The following GPC5 variants were observed in gnomAD, a reference collection of about 807,000 sequenced individuals.
GPC5 encodes glypican-5.
GPC5 carries 47 observed loss-of-function variants against 53.9 expected under a neutral mutation model. The ratio of observed to expected loss-of-function variants is 0.87; its 90% CI spans 0.69 to 1.11. The LOEUF is 1.11. GPC5 is among the 50% of genes most tolerant of loss of function. The pLI, the probability that GPC5 is intolerant of heterozygous loss-of-function variation, is 0.00. For missense variants in GPC5, 748 were observed against 713.1 expected, an observed-to-expected ratio of 1.05 and a Z score of -0.56; for synonymous variants, 286 against 263.3, an observed-to-expected ratio of 1.09 and a Z score of -0.84.
chr13:92,375,138 G>C (rs1327252419), intron 7 of GPC5, among the ~76,000 whole-genome samples: 3 of 152,188 alleles, frequency 2.0e-5, no homozygotes, highest in Non-Finnish European at 4.4e-5. Context: ...TGTTCCCTAG[G>C]GGGTGGATTA....
chr13:92,843,529 CT>C lies in GPC5; in HGVS notation c.1562-22749del, dbSNP rs567880398. On this transcript the variant is annotated intron_variant, in intron 7 of 7. Coordinates refer to ENST00000377067, the MANE Select transcript of GPC5 (RefSeq NM_004466.6). Reference sequence around the variant, plus strand: ...CAAAGGCATCCACCATCCCTCCACTCTTTTGGTATTCTTAGAGAGAATCTTA... The same window carrying C: ...CAAAGGCATCCACCATCCCTCCACTCTTTGGTATTCTTAGAGAGAATCTTA... Among the ~76,000 whole-genome samples the C allele has an allele frequency of 2.6e-3, 403 of 152,234 alleles. 3 individuals are homozygous for C. Among genetic ancestry groups the C allele is most frequent in the African/African-American group, 8.9e-3 (371 of 41,556 alleles).
At chr13:91,401,349 T>C (rs1383151949) in intron 1 of GPC5, among the ~76,000 whole-genome samples, 1 of 152,002 alleles carries the variant, frequency 6.6e-6, no homozygotes, top group African/African-American at 2.4e-5. Context: ...ACCACATGCT[T>C]AATAAATAAT....
chr13:92,011,629 G>A (rs1172979559), intron 6 of GPC5, among the ~76,000 whole-genome samples: 2 of 152,014 alleles, frequency 1.3e-5, no homozygotes, highest in South Asian at 2.1e-4. Flanking sequence ...CCTCTTATGG[G>A]GTATTACAGT....
intron 2 of GPC5, among the ~76,000 whole-genome samples, chr13:91,674,597 G>A (rs184660): frequency 2.8e-5 from 4 of 144,398 alleles, no homozygotes; most frequent in East Asian, 2.1e-4. Flanking sequence ...GTATATATAC[G>A]CATATATATG....
intron 7 of GPC5, among the ~76,000 whole-genome samples, chr13:92,790,636 A>T (rs1876427473): frequency 6.6e-6 from 1 of 152,142 alleles, no homozygotes; most frequent in South Asian, 2.1e-4. Context: ...AGGAGATGGA[A>T]TACTTTTCAT....
At chr13:92,284,623 A>G (rs2042940403) in intron 7 of GPC5, among the ~76,000 whole-genome samples, 1 of 152,248 alleles carries the variant, frequency 6.6e-6, no homozygotes, top group Non-Finnish European at 1.5e-5. Flanking sequence ...GCATATAAAC[A>G]GAACCAAAGA....
At chr13:91,847,167 C>T (rs1002164046) in intron 5 of GPC5, among the ~76,000 whole-genome samples, 2 of 140,388 alleles carry the variant, frequency 1.4e-5, no homozygotes, top group African/African-American at 2.7e-5. Context: ...TGCAGTGAGC[C>T]GAGATGGCGC....
In GPC5 at chr13:91,994,133, G is replaced by A. The variant is rs1194248925; in HGVS notation, c.1401+86076G>A. Among the ~76,000 whole-genome samples, 4 of 152,170 alleles carry A rather than the reference G, an allele frequency of 2.6e-5. No individual in the cohort carries two copies. In the South Asian group the frequency reaches 6.2e-4, roughly 24 times the overall value. ...AATGTTGCCCAGGTACTAGTGGTGTGTTCAGAGGAATACAAGTAAGAAAAG... is the reference window on the plus strand; with the variant it reads ...AATGTTGCCCAGGTACTAGTGGTGTATTCAGAGGAATACAAGTAAGAAAAG... On this transcript the variant is annotated intron_variant, in intron 6 of 7. Transcript: ENST00000377067.
chr13:92,802,588 C>T (rs898606449), intron 7 of GPC5, among the ~76,000 whole-genome samples: 22 of 151,822 alleles, frequency 1.4e-4, no homozygotes, highest in African/African-American at 4.8e-4. Context: ...GAAAATGTGG[C>T]ACATACACAC....
chr13:92,522,815 C>T (rs1256206386), intron 7 of GPC5, among the ~76,000 whole-genome samples: 1 of 152,018 alleles, frequency 6.6e-6, no homozygotes, highest in Non-Finnish European at 1.5e-5. Flanking sequence ...TAACACATCT[C>T]AACTTATTTG....
intron 3 of GPC5, among the ~76,000 whole-genome samples, chr13:91,712,350 GTATT>G (rs962103326): frequency 3.3e-5 from 5 of 151,510 alleles, no homozygotes; most frequent in African/African-American, 1.2e-4. Flanking sequence ...GTGTGTGTGT[GTATT>G]TATATATGTG....
At chr13:91,806,093 T>A (rs994731374) in intron 5 of GPC5, among the ~76,000 whole-genome samples, 3 of 127,668 alleles carry the variant, frequency 2.3e-5, no homozygotes, top group Non-Finnish European at 4.7e-5. Context: ...TGGAGTCCAG[T>A]GGCATGATCT....
At chr13:91,964,729 C>A (rs748209484) in intron 6 of GPC5, among the ~76,000 whole-genome samples, 58 of 152,260 alleles carry the variant, frequency 3.8e-4, no homozygotes, top group Non-Finnish European at 6.9e-4. Flanking sequence ...CATCCCATTA[C>A]TGGGTATATA....
intron 1 of GPC5, among the ~76,000 whole-genome samples, chr13:91,438,457 C>A (rs150237421): frequency 6.6e-6 from 1 of 152,168 alleles, no homozygotes; most frequent in East Asian, 1.9e-4. Flanking sequence ...GTATCAGCAG[C>A]GGAGGCTGCA....
chr13:91,549,722 C>T (rs1043501702), intron 2 of GPC5, among the ~76,000 whole-genome samples: 6 of 152,134 alleles, frequency 3.9e-5, no homozygotes, highest in African/African-American at 1.2e-4. Context: ...CTACTACAGA[C>T]ATATTAGAAT....
At chr13:92,423,352 AAC>A (rs1049109032) in intron 7 of GPC5, among the ~76,000 whole-genome samples, 3 of 152,194 alleles carry the variant, frequency 2.0e-5, no homozygotes, top group Admixed American at 2.0e-4. Flanking sequence ...ATGCACAGCA[AAC>A]AGTTTTTGAG....
chr13:92,779,221 C>G (rs763375902), intron 7 of GPC5, among the ~76,000 whole-genome samples: 5 of 152,068 alleles, frequency 3.3e-5, no homozygotes, highest in Non-Finnish European at 7.4e-5. Context: ...CATCAGATCT[C>G]ATGAGACTTA....
At chr13:91,859,899 CTG>C (rs2039007205) in intron 5 of GPC5, among the ~76,000 whole-genome samples, 1 of 151,794 alleles carries the variant, frequency 6.6e-6, no homozygotes, top group East Asian at 1.9e-4. Context: ...AAATATGTAA[CTG>C]TGTTATTGCC....
chr13:91,653,448 A>C (rs533990169), intron 2 of GPC5, among the ~76,000 whole-genome samples: 1 of 152,222 alleles, frequency 6.6e-6, no homozygotes, highest in South Asian at 2.1e-4. Context: ...AATGAATAAG[A>C]CCTGCTATAT....
Sources: gnomAD v4.1 joint callset for allele counts (sites outside exome capture counted in the v4.1 genomes callset) on GRCh38, gnomAD v4.1.1 for gene constraint, MANE v1.5 for transcripts, NCBI Gene and HGNC (gene_info 2026-07-23, HGNC 2026-07-21) for gene names.